Variants in MAPK10 observed in about 807,000 individuals in gnomAD.
MAPK10 encodes mitogen-activated protein kinase 10, also known as JNK3 alpha protein kinase.
MAPK10 carries 25 observed loss-of-function variants against 59.3 expected under a neutral mutation model. The observed-to-expected ratio is 0.42, with a 90% CI of 0.31 to 0.59. The LOEUF is 0.59. MAPK10 is among the 20% of genes least tolerant of loss of function. The pLI is 0.15. For missense variants in MAPK10, 351 were observed against 568.9 expected (o/e 0.62, Z 3.90); for synonymous variants, 190 against 200.5 (o/e 0.95, Z 0.44).
At position 86,103,207 on chromosome 4, in the gene MAPK10, G is replaced by A. The variant is rs138883015; in HGVS notation, c.404C>T (p.Thr135Met). The A allele has an allele frequency of 4.0e-5, 64 of 1,609,192 alleles. No individual in the cohort carries two copies. The African/African-American group carries it at 4.2e-4, about 10-fold the overall frequency. Residue 135 changes from threonine (T) to methionine (M), a missense_variant, in exon 6 of 14, where the codon ACG becomes ATG. Thr to Met is a moderately conservative substitution (Grantham distance 81). Transcript: ENST00000641462. Reference sequence around the variant, plus strand: ...TTACACATCTTGGAACTCCTCCAGCGTTTTCTGGGGTGTGAAGACATTTAA... The same window carrying A: ...TTACACATCTTGGAACTCCTCCAGCATTTTCTGGGGTGTGAAGACATTTAA... ...SLLNVFTPQK[T>M]LEEFQDVYLV...
chr4:86,117,265 C>T lies in MAPK10; in HGVS notation c.237-9913G>A, dbSNP rs554522376. ...CATATCAATAAAAATAATAAATACA[C>T]GCATACATACATATATACGCTGTAG... On this transcript the variant is annotated intron_variant, in intron 4 of 13. Transcript: ENST00000641462. 3.5e-4 allele frequency among the ~76,000 whole-genome samples: 54 copies of T among 152,286 alleles called. No individual in the cohort carries two copies. The South Asian group carries it at 7.3e-3, about 20-fold the overall frequency.
At chr4:86,112,488 G>A (rs974921144) in intron 4 of MAPK10, among the ~76,000 whole-genome samples, 1 of 152,086 alleles carries the variant, frequency 6.6e-6, no homozygotes, top group East Asian at 1.9e-4. Context: ...AGTCATTCAG[G>A]AGCATGTTGT....
intron 2 of MAPK10, among the ~76,000 whole-genome samples, chr4:86,331,999 A>G (rs2148915946): frequency 6.6e-6 from 1 of 152,298 alleles, no homozygotes; most frequent in South Asian, 2.1e-4. Context: ...AATTCCCTTT[A>G]CATTTTTAAT....
upstream of MAPK10, among the ~76,000 whole-genome samples, chr4:86,362,502 T>C (rs1450903425): frequency 6.6e-6 from 1 of 151,886 alleles, no homozygotes; most frequent in Non-Finnish European, 1.5e-5. Context: ...AGCCAGAGTC[T>C]AGATGATACA....
At chr4:86,276,006 C>G (rs2094565120) in intron 2 of MAPK10, among the ~76,000 whole-genome samples, 1 of 152,098 alleles carries the variant, frequency 6.6e-6, no homozygotes, top group Non-Finnish European at 1.5e-5. Flanking sequence ...CTAGAATCCA[C>G]AAGTTGTTTA....
At chr4:86,060,786 C>T (rs915419061) in intron 11 of MAPK10, among the ~76,000 whole-genome samples, 8 of 152,080 alleles carry the variant, frequency 5.3e-5, no homozygotes, top group Admixed American at 2.0e-4. Context: ...GGTAGGTATA[C>T]ATTAAACAAA....
At chr4:86,227,486 A>AAG (rs371797494) in intron 2 of MAPK10, among the ~76,000 whole-genome samples, 1 of 81,408 alleles carries the variant, frequency 1.2e-5, no homozygotes, top group African/African-American at 7.4e-5. Context: ...GACTCCCTCT[A>AAG]AAAAAAAAAA....
At chr4:86,315,239 G>A (rs1490282510) in intron 2 of MAPK10, among the ~76,000 whole-genome samples, 2 of 152,006 alleles carry the variant, frequency 1.3e-5, no homozygotes, top group Non-Finnish European at 2.9e-5. Context: ...GTTACCAGAG[G>A]GTGGGAAGAT....
intron 1 of MAPK10, among the ~76,000 whole-genome samples, chr4:86,513,027 G>A (rs1756395928): frequency 6.6e-6 from 1 of 151,956 alleles, no homozygotes; most frequent in African/African-American, 2.4e-5. Flanking sequence ...ACCTTCTGCT[G>A]GTAACTTGAC....
intron 2 of MAPK10, among the ~76,000 whole-genome samples, chr4:86,206,746 T>C (rs2084132029): frequency 6.6e-6 from 1 of 152,174 alleles, no homozygotes; most frequent in South Asian, 2.1e-4. Context: ...TTCTAACTGG[T>C]GTGAGATGGT....
intron 2 of MAPK10, among the ~76,000 whole-genome samples, chr4:86,221,482 T>G (rs906123635): frequency 6.3e-5 from 8 of 126,902 alleles, no homozygotes; most frequent in Non-Finnish European, 1.1e-4. Flanking sequence ...TATTTTTGGT[T>G]TTTTTTTTTT....
At chr4:86,246,900 A>C (rs11935211) in intron 2 of MAPK10, among the ~76,000 whole-genome samples, 49,586 of 151,978 alleles carry the variant, frequency 0.33, 11,009 homozygotes, top group African/African-American at 0.63. Flanking sequence ...ATCCCAACCA[A>C]CCTACCAAGT....
At position 86,052,899 on chromosome 4, in the gene MAPK10, T is replaced by C. The variant is rs189169272; in HGVS notation, c.1110+11367A>G. 1.4e-3 allele frequency among the ~76,000 whole-genome samples: 212 copies of C among 152,256 alleles called. 1 individual carries two copies. The highest frequency in any genetic ancestry group is 4.2e-3 in the African/African-American group (174 of 41,556). ...CGGGATTTCGCTATGCTGCCCAGGC[T>C]GGTCTCAAACTCCTGAGTTCAAGTG... On this transcript the variant is annotated intron_variant, in intron 11 of 13. Coordinates refer to ENST00000641462, the MANE Select transcript of MAPK10 (RefSeq NM_138982.4).
At chr4:86,196,910 T>C (rs2081430875) in intron 2 of MAPK10, among the ~76,000 whole-genome samples, 2 of 152,146 alleles carry the variant, frequency 1.3e-5, no homozygotes, top group South Asian at 2.1e-4. Context: ...ATCTGTTCCA[T>C]TGGTCTATAT....
At chr4:86,276,870 T>C (rs542715302) in intron 2 of MAPK10, among the ~76,000 whole-genome samples, 4 of 152,300 alleles carry the variant, frequency 2.6e-5, no homozygotes, top group Non-Finnish European at 5.9e-5. Flanking sequence ...GCTAGTTAAG[T>C]TGCAGCACCA....
At chr4:86,279,469 C>T (rs552472278) in intron 2 of MAPK10, among the ~76,000 whole-genome samples, 3 of 152,160 alleles carry the variant, frequency 2.0e-5, no homozygotes, top group South Asian at 2.1e-4. Flanking sequence ...ATGGTACAAA[C>T]AGGAAGAATA....
At chr4:86,459,948 GA>G (rs1015653640) in intron 1 of MAPK10, among the ~76,000 whole-genome samples, 3 of 151,284 alleles carry the variant, frequency 2.0e-5, no homozygotes, top group Admixed American at 6.6e-5. Flanking sequence ...AAACTTCTAA[GA>G]AAAAAATCTA....
At chr4:86,041,672 C>T (rs74663079) in intron 11 of MAPK10, among the ~76,000 whole-genome samples, 14,538 of 152,200 alleles carry the variant, frequency 0.096, 857 homozygotes, top group Non-Finnish European at 0.13. Context: ...CATGAACAGA[C>T]ACTTCTCAAA....
chr4:86,516,714 G>A (rs1756695012), intron 1 of MAPK10, among the ~76,000 whole-genome samples: 1 of 151,982 alleles, frequency 6.6e-6, no homozygotes, highest in Non-Finnish European at 1.5e-5. Context: ...TTTTCAGATT[G>A]GTCACTGTTG....
Sources: allele counts gnomAD v4.1 joint callset (sites outside exome capture counted in the v4.1 genomes callset), GRCh38; gene constraint gnomAD v4.1.1; transcripts MANE v1.5; gene names NCBI Gene and HGNC (gene_info 2026-07-23, HGNC 2026-07-21).